Variants in MALRD1 observed in about 807,000 individuals in gnomAD.
MALRD1 encodes MAM and LDL-receptor class A domain-containing protein 1.
In MALRD1, 247 loss-of-function variants were observed where a neutral mutation model predicts 242.1. The ratio of observed to expected loss-of-function variants is 1.02; its 90% CI spans 0.92 to 1.13. The LOEUF is 1.13. Among genes scored for constraint, MALRD1 ranks in the 50% most tolerant of loss-of-function variants. MALRD1 has a pLI of 0.00. For missense variants in MALRD1, 2,989 were observed against 2,533.1 expected (o/e 1.18, Z -3.86); for synonymous variants, 995 against 866.6 (o/e 1.15, Z -2.60).
intron 38 of MALRD1, among the ~76,000 whole-genome samples, chr10:19,703,150 C>T (rs1013303191): frequency 2.0e-4 from 30 of 152,148 alleles, no homozygotes; most frequent in African/African-American, 6.0e-4. Context: ...AGGGTAAAGA[C>T]ACAGGATGTC....
chr10:19,730,880 C>G (rs886402802), intron 39 of MALRD1, 99 bp downstream of exon 39: 1 of 1,099,532 alleles, frequency 9.1e-7, no homozygotes, highest in African/African-American at 1.6e-5. Context: ...GATCATGTTT[C>G]TACATCATAA....
chr10:19,463,943 T>C (rs1836083883), intron 29 of MALRD1, among the ~76,000 whole-genome samples: 1 of 152,236 alleles, frequency 6.6e-6, no homozygotes. Context: ...ATTGTGGTTT[T>C]GATTTTCATT....
At chr10:19,671,742 A>C (rs1231965610) in intron 36 of MALRD1, among the ~76,000 whole-genome samples, 2 of 152,258 alleles carry the variant, frequency 1.3e-5, no homozygotes, top group Non-Finnish European at 2.9e-5. Context: ...AAATGTGGTT[A>C]GAATGCACAG....
chr10:19,542,512 T>C (rs1835016267), intron 32 of MALRD1, among the ~76,000 whole-genome samples: 1 of 152,034 alleles, frequency 6.6e-6, no homozygotes, highest in African/African-American at 2.4e-5. Context: ...TTATGAGTCG[T>C]GAGAGGTTAG....
At chr10:19,478,756 A>G (rs1354533245) in intron 29 of MALRD1, among the ~76,000 whole-genome samples, 1 of 152,168 alleles carries the variant, frequency 6.6e-6, no homozygotes, top group East Asian at 1.9e-4. Flanking sequence ...CAACCAGTAA[A>G]TTACTTTGTT....
chr10:19,399,558 G>A (rs1041465351), intron 28 of MALRD1, among the ~76,000 whole-genome samples: 2 of 152,072 alleles, frequency 1.3e-5, no homozygotes, highest in African/African-American at 2.4e-5. Flanking sequence ...TTGGCAGTCC[G>A]TTTTTACCAA....
chr10:19,162,594 C>A (rs1033273821), intron 12 of MALRD1, among the ~76,000 whole-genome samples: 1 of 151,986 alleles, frequency 6.6e-6, no homozygotes, highest in African/African-American at 2.4e-5. Flanking sequence ...TAGAGAAATT[C>A]AAATCAAAAC....
intron 21 of MALRD1, among the ~76,000 whole-genome samples, chr10:19,297,636 G>A (rs199698107): frequency 2.0e-5 from 3 of 151,292 alleles, no homozygotes; most frequent in East Asian, 1.9e-4. Context: ...TATTACTTTC[G>A]AAGGCATGTT....
At chr10:19,693,259 C>G (rs1833193870) in intron 38 of MALRD1, among the ~76,000 whole-genome samples, 1 of 151,740 alleles carries the variant, frequency 6.6e-6, no homozygotes, top group Non-Finnish European at 1.5e-5. Flanking sequence ...AAAGGGTATT[C>G]AATTAGGAAA....
intron 26 of MALRD1, among the ~76,000 whole-genome samples, chr10:19,364,073 G>A (rs1845011662): frequency 6.6e-6 from 1 of 152,014 alleles, no homozygotes; most frequent in Non-Finnish European, 1.5e-5. Context: ...AAAAATATCA[G>A]CATGGGAGGA....
intron 36 of MALRD1, among the ~76,000 whole-genome samples, chr10:19,664,368 T>A (rs1441993484): frequency 6.6e-6 from 1 of 152,082 alleles, no homozygotes; most frequent in Non-Finnish European, 1.5e-5. Flanking sequence ...ATCATCAGAA[T>A]AATCATGCAC....
intron 38 of MALRD1, among the ~76,000 whole-genome samples, chr10:19,694,403 G>A (rs1833264643): frequency 6.6e-6 from 1 of 152,150 alleles, no homozygotes. Flanking sequence ...CCATCAACAA[G>A]TGGGCGAAGG....
chr10:19,618,061 A>G (rs570350648), intron 36 of MALRD1, among the ~76,000 whole-genome samples: 2 of 152,130 alleles, frequency 1.3e-5, no homozygotes, highest in African/African-American at 2.4e-5. Flanking sequence ...GCTCACACTT[A>G]TAAGTGAGAA....
rs142241673 is a variant in MALRD1 at position 19,171,882 on chromosome 10, G to A, written c.1831-3326G>A. Among the ~76,000 whole-genome samples, 385 of 122,792 alleles carry A rather than the reference G, an allele frequency of 3.1e-3. 2 individuals are homozygous for A. Among genetic ancestry groups the A allele is most frequent in the African/African-American group, 0.011 (346 of 32,822 alleles). The allele number at this position is 122,792 out of a possible 152,430, so 80.6% of individuals were successfully genotyped here. On this transcript the variant is annotated intron_variant, in intron 13 of 39. Coordinates refer to ENST00000454679, the MANE Select transcript of MALRD1 (RefSeq NM_001142308.3). Reference sequence around the variant, plus strand: ...TATATACATATATACACGTATATACGTATATATATGATATATATCACATAA... The same window carrying A: ...TATATACATATATACACGTATATACATATATATATGATATATATCACATAA...
chr10:19,546,711 T>C (rs1835222503), intron 32 of MALRD1, among the ~76,000 whole-genome samples: 1 of 152,224 alleles, frequency 6.6e-6, no homozygotes, highest in South Asian at 2.1e-4. Context: ...GTTTATGTAT[T>C]TTCATCAAAA....
At chr10:19,729,721 C>T (rs1045644566) in intron 38 of MALRD1, among the ~76,000 whole-genome samples, 980 of 40,708 alleles carry the variant, frequency 0.024, 12 homozygotes, top group South Asian at 0.046. Context: ...TCTATTAATT[C>T]TTTTTTTTTT....
At chr10:19,503,148 C>T (rs994271618) in intron 31 of MALRD1, among the ~76,000 whole-genome samples, 1 of 152,178 alleles carries the variant, frequency 6.6e-6, no homozygotes, top group Non-Finnish European at 1.5e-5. Context: ...CTCTTCAAAG[C>T]AGCCTGATTA....
intron 5 of MALRD1, among the ~76,000 whole-genome samples, chr10:19,120,941 G>A (rs1304820592): frequency 2.0e-5 from 3 of 151,612 alleles, no homozygotes; most frequent in Non-Finnish European, 2.9e-5. Context: ...ACGGAGTTTC[G>A]CCATGTTGGC....
intron 36 of MALRD1, among the ~76,000 whole-genome samples, chr10:19,644,971 A>T (rs562411596): frequency 3.4e-4 from 52 of 152,330 alleles, no homozygotes; most frequent in Middle Eastern, 6.8e-3. Flanking sequence ...TATTGTTTTG[A>T]TAATAGAATG....
Sources: gnomAD v4.1 joint callset for allele counts (sites outside exome capture counted in the v4.1 genomes callset) on GRCh38, gnomAD v4.1.1 for gene constraint, MANE v1.5 for transcripts, NCBI Gene and HGNC (gene_info 2026-07-23, HGNC 2026-07-21) for gene names.